The following SDK1 variants were observed in gnomAD, a reference collection of about 807,000 sequenced individuals.
SDK1 encodes the protein sidekick cell adhesion molecule 1.
SDK1 carries 157 observed loss-of-function variants against 245.5 expected under a neutral mutation model. The ratio of observed to expected loss-of-function variants is 0.64; its 90% CI spans 0.56 to 0.73. The LOEUF is 0.73. Among genes scored for constraint, SDK1 ranks in the 30% least tolerant of loss-of-function variants. SDK1 has a pLI of 0.00. For synonymous variants in SDK1, 1,647 were observed against 1,278.5 expected, an observed-to-expected ratio of 1.29 and a Z score of -6.15; for missense variants, 3,583 against 3,002.3, an observed-to-expected ratio of 1.19 and a Z score of -4.52.
chr7:4,158,571 G>C lies in SDK1; in HGVS notation c.4729+20G>C. ...AGGATGGTGAGCAACCCGGGGCCCAGACCGCGTTCCTGGCCGCTGCCCCTG... is the reference window on the plus strand; with the variant it reads ...AGGATGGTGAGCAACCCGGGGCCCACACCGCGTTCCTGGCCGCTGCCCCTG... On this transcript the variant is annotated intron_variant, in intron 31 of 44. Transcript: ENST00000404826. 1 of 1,585,568 alleles carries C rather than the reference G, an allele frequency of 6.3e-7. No homozygotes were observed. Among genetic ancestry groups the C allele is most frequent in the Non-Finnish European group, 8.7e-7 (1 of 1,155,616 alleles).
At chr7:3,336,191 C>G (rs1780194933) in intron 1 of SDK1, among the ~76,000 whole-genome samples, 2 of 152,216 alleles carry the variant, frequency 1.3e-5, no homozygotes, top group African/African-American at 4.8e-5. Context: ...AACTGCCCTC[C>G]TCCCTTCCCA....
intron 17 of SDK1, among the ~76,000 whole-genome samples, chr7:4,044,643 C>T (rs1448346206): frequency 1.3e-5 from 2 of 151,992 alleles, no homozygotes; most frequent in Non-Finnish European, 2.9e-5. Flanking sequence ...GATTATCTCA[C>T]CCTGTTGCCC....
chr7:4,070,424 G>A (rs1780176028), intron 20 of SDK1, among the ~76,000 whole-genome samples: 1 of 152,214 alleles, frequency 6.6e-6, no homozygotes, highest in Admixed American at 6.5e-5. Flanking sequence ...CCTCGGGCTG[G>A]AGGCTCACGT....
At chr7:3,861,853 C>T (rs1315648741) in intron 5 of SDK1, among the ~76,000 whole-genome samples, 1 of 152,136 alleles carries the variant, frequency 6.6e-6, no homozygotes, top group Admixed American at 6.5e-5. Flanking sequence ...GTCCTGATTA[C>T]TGAATTAAAA....
chr7:3,666,770 G>T (rs1317985429), intron 4 of SDK1, among the ~76,000 whole-genome samples: 1 of 152,156 alleles, frequency 6.6e-6, no homozygotes, highest in East Asian at 1.9e-4. Flanking sequence ...AATCAAAGGA[G>T]AGACATCCTT....
At chr7:3,307,867 A>G (rs1162386686) in intron 1 of SDK1, among the ~76,000 whole-genome samples, 1 of 152,116 alleles carries the variant, frequency 6.6e-6, no homozygotes, top group Non-Finnish European at 1.5e-5. Context: ...TTCTACTCTG[A>G]TTCTCTGATC....
chr7:3,890,881 G>T (rs1264148800), intron 5 of SDK1, among the ~76,000 whole-genome samples: 2 of 152,154 alleles, frequency 1.3e-5, no homozygotes, highest in Non-Finnish European at 2.9e-5. Context: ...GGGGGAGGTT[G>T]CAGTGAGCCG....
At chr7:3,636,606 A>G (rs1373698372) in intron 2 of SDK1, among the ~76,000 whole-genome samples, 1 of 152,154 alleles carries the variant, frequency 6.6e-6, no homozygotes, top group Non-Finnish European at 1.5e-5. Flanking sequence ...GCCATTCCTC[A>G]GCAGACTCCT....
chr7:3,592,348 G>A (rs1235436173), intron 1 of SDK1, among the ~76,000 whole-genome samples: 1 of 152,138 alleles, frequency 6.6e-6, no homozygotes, highest in African/African-American at 2.4e-5. Context: ...CAGAATAACA[G>A]AATCCCTGCA....
rs76072086 is a variant in SDK1 at position 3,472,561 on chromosome 7, T to C, written c.299-146519T>C. Among the ~76,000 whole-genome samples the C allele has an allele frequency of 7.4e-4, 112 of 152,342 alleles. 2 individuals carry two copies. The East Asian group carries it at 0.019, about 26-fold the overall frequency. On this transcript the variant is annotated intron_variant, in intron 1 of 44. Coordinates refer to ENST00000404826, the MANE Select transcript of SDK1 (RefSeq NM_152744.4). Reference sequence around the variant, plus strand: ...ATCTTAATAGAATAATTATAACTGATAATAGCTGGTTCTACATTTAGGTAA... The same window carrying C: ...ATCTTAATAGAATAATTATAACTGACAATAGCTGGTTCTACATTTAGGTAA...
At chr7:3,804,964 G>C (rs938843201) in intron 4 of SDK1, among the ~76,000 whole-genome samples, 13 of 152,096 alleles carry the variant, frequency 8.5e-5, no homozygotes, top group African/African-American at 2.7e-4. Context: ...TAAACGGCAT[G>C]GTGACTATAG....
At chr7:3,813,417 C>T (rs1435590616) in intron 4 of SDK1, among the ~76,000 whole-genome samples, 1 of 141,832 alleles carries the variant, frequency 7.1e-6, no homozygotes, top group Non-Finnish European at 1.5e-5. Flanking sequence ...CAATTTCATC[C>T]ATGTCCCTAC....
intron 1 of SDK1, among the ~76,000 whole-genome samples, chr7:3,373,619 A>G (rs529869770): frequency 1.4e-5 from 2 of 142,402 alleles, no homozygotes; most frequent in South Asian, 2.4e-4. Flanking sequence ...TGGCAACACC[A>G]TTAAAAATGT....
At position 4,257,378 on chromosome 7, in the gene SDK1, A is replaced by G. The variant is rs1053829942; in HGVS notation, c.6382-7746A>G. 2.6e-5 allele frequency among the ~76,000 whole-genome samples: 4 copies of G among 152,176 alleles called. 1 individual carries two copies. Among genetic ancestry groups the G allele is most frequent in the Admixed American group, 2.6e-4 (4 of 15,276 alleles). Reference sequence around the variant, plus strand: ...GACACACGTTGCTACTTCACATCACACAGGAAACTTACCAAAAACAGACTC... The same window carrying G: ...GACACACGTTGCTACTTCACATCACGCAGGAAACTTACCAAAAACAGACTC... On this transcript the variant is annotated intron_variant, in intron 44 of 44. Coordinates refer to ENST00000404826, the MANE Select transcript of SDK1 (RefSeq NM_152744.4).
chr7:3,901,778 T>C (rs1238188330), intron 5 of SDK1, among the ~76,000 whole-genome samples: 1 of 152,238 alleles, frequency 6.6e-6, no homozygotes, highest in Non-Finnish European at 1.5e-5. Flanking sequence ...TTTGTGTGTT[T>C]ATTAGGTTAG....
chr7:3,904,207 A>C (rs1005310643), intron 5 of SDK1, among the ~76,000 whole-genome samples: 10 of 152,222 alleles, frequency 6.6e-5, no homozygotes, highest in African/African-American at 2.4e-4. Context: ...TACTGCATGA[A>C]TCAGTTTATA....
intron 4 of SDK1, among the ~76,000 whole-genome samples, chr7:3,802,076 A>T (rs1219006269): frequency 6.6e-6 from 1 of 152,216 alleles, no homozygotes; most frequent in Non-Finnish European, 1.5e-5. Context: ...AGGTTGCAAA[A>T]ACTATTCAGA....
intron 16 of SDK1, among the ~76,000 whole-genome samples, chr7:4,013,319 C>T (rs1786134133): frequency 6.6e-6 from 1 of 152,180 alleles, no homozygotes; most frequent in African/African-American, 2.4e-5. Flanking sequence ...CAAGTAAAAG[C>T]AAAAGTAAAG....
At chr7:3,960,732 T>G (rs868073305) in intron 8 of SDK1, among the ~76,000 whole-genome samples, 1 of 152,198 alleles carries the variant, frequency 6.6e-6, no homozygotes, top group Non-Finnish European at 1.5e-5. Context: ...CCAGCTCTAC[T>G]GATTCGGCAT....
Sources: gnomAD v4.1 joint callset for allele counts (sites outside exome capture counted in the v4.1 genomes callset) on GRCh38, gnomAD v4.1.1 for gene constraint, MANE v1.5 for transcripts, NCBI Gene and HGNC (gene_info 2026-07-23, HGNC 2026-07-21) for gene names.